Variants in ADAMTS20 observed in about 807,000 individuals in gnomAD.
The protein encoded by ADAMTS20 is ADAM metallopeptidase with thrombospondin type 1 motif 20.
In ADAMTS20, 225 loss-of-function variants were observed where a neutral mutation model predicts 260.1. The ratio of observed to expected loss-of-function variants is 0.87; its 90% CI spans 0.78 to 0.97. The LOEUF is 0.97. ADAMTS20 is among the 50% of genes least tolerant of loss of function. The pLI, the probability that ADAMTS20 is intolerant of heterozygous loss-of-function variation, is 0.00. For missense variants in ADAMTS20, 2,400 were observed against 2,337.7 expected (o/e 1.03, Z -0.55); for synonymous variants, 802 against 769.5 (o/e 1.04, Z -0.70).
At chr12:43,529,127 C>T (rs1033861996) in intron 3 of ADAMTS20, among the ~76,000 whole-genome samples, 2 of 151,930 alleles carry the variant, frequency 1.3e-5, no homozygotes, top group Non-Finnish European at 2.9e-5. Context: ...GTAAGAATGG[C>T]CATTATTAAA....
rs1279559911 is a variant in ADAMTS20, at chr12:43,472,466, G to C, written c.1118-3761C>G. ...ATCTAGCAAGGCAGGCCAACGTTCAGATTCAGGAAATACAGAGAACGCCAC... is the reference window on the plus strand; with the variant it reads ...ATCTAGCAAGGCAGGCCAACGTTCACATTCAGGAAATACAGAGAACGCCAC... On this transcript the variant is annotated intron_variant, in intron 7 of 38. Coordinates refer to ENST00000389420, the MANE Select transcript of ADAMTS20 (RefSeq NM_025003.5). 6.7e-5 allele frequency among the ~76,000 whole-genome samples: 9 copies of C among 133,700 alleles called. No homozygotes were observed. The East Asian group carries it at 1.8e-3, about 27-fold the overall frequency. The allele number at this position is 133,700 out of a possible 152,430, so 87.7% of individuals were successfully genotyped here.
At chr12:43,527,815 A>G (rs1439559616) in intron 3 of ADAMTS20, among the ~76,000 whole-genome samples, 1 of 152,124 alleles carries the variant, frequency 6.6e-6, no homozygotes, top group African/African-American at 2.4e-5. Flanking sequence ...TCTACTCAAT[A>G]TAATACTGGA....
At chr12:43,521,439 T>C (rs77337529) in intron 3 of ADAMTS20, among the ~76,000 whole-genome samples, 3,601 of 152,306 alleles carry the variant, frequency 0.024, 66 homozygotes, top group East Asian at 0.079. Flanking sequence ...AATATAAACG[T>C]CTCTTCAAAG....
At chr12:43,375,172 CAAAAAA>C (rs58169338) in intron 36 of ADAMTS20, among the ~76,000 whole-genome samples, 1 of 62,312 alleles carries the variant, frequency 1.6e-5, no homozygotes, top group Non-Finnish European at 2.8e-5. Context: ...AACTGCGTCT[CAAAAAA>C]AAAAAAAAAA....
At chr12:43,429,015 T>C (rs762831060) in intron 24 of ADAMTS20, among the ~76,000 whole-genome samples, 2 of 151,826 alleles carry the variant, frequency 1.3e-5, no homozygotes, top group South Asian at 4.2e-4. Flanking sequence ...AAATAATGTA[T>C]AGTAATTTCA....
chr12:43,372,155 A>C lies in ADAMTS20; in HGVS notation c.5447-2774T>G, dbSNP rs540845562. On this transcript the variant is annotated intron_variant, in intron 36 of 38. Transcript: ENST00000389420. ...TGTGCATTTGGGACTGTCATTTAAT[A>C]GATGGTACTTGAAATCTATAAATTT... 5.3e-5 allele frequency among the ~76,000 whole-genome samples: 8 copies of C among 152,366 alleles called. No homozygotes were observed. In the South Asian group the frequency reaches 1.0e-3, roughly 20 times the overall value.
intron 4 of ADAMTS20, among the ~76,000 whole-genome samples, chr12:43,498,108 C>T (rs1942702675): frequency 6.6e-6 from 1 of 152,144 alleles, no homozygotes; most frequent in South Asian, 2.1e-4. Context: ...TATCTCTGCT[C>T]ATTTAACACA....
At chr12:43,411,303 G>A (rs1941026515) in intron 28 of ADAMTS20, among the ~76,000 whole-genome samples, 1 of 152,082 alleles carries the variant, frequency 6.6e-6, no homozygotes, top group South Asian at 2.1e-4. Context: ...GTTTTCCCCA[G>A]ACTTTTAAAT....
intron 23 of ADAMTS20, 76 bp downstream of exon 23, chr12:43,430,276 A>C: frequency 6.8e-7 from 1 of 1,467,956 alleles, no homozygotes; most frequent in South Asian, 1.4e-5. Context: ...AAAAATAAGT[A>C]AAGAAATAAT....
In ADAMTS20 at chr12:43,504,331, CAT is replaced by C. The variant is rs1942811409; in HGVS notation, c.614-1928_614-1927del. On this transcript the variant is annotated intron_variant, in intron 3 of 38. Coordinates refer to ENST00000389420, the MANE Select transcript of ADAMTS20 (RefSeq NM_025003.5). ...CGATTAGTGATGTTGGGCATTTCTT[CAT>C]ATGTTTGTTGGCTACCTGTATGTCT... is the stretch of plus-strand genomic sequence containing the variant. Among the ~76,000 whole-genome samples the C allele has an allele frequency of 5.3e-5, 8 of 152,192 alleles. No homozygotes were observed. The South Asian group carries it at 1.7e-3, about 32-fold the overall frequency.
intron 3 of ADAMTS20, among the ~76,000 whole-genome samples, chr12:43,529,629 T>C (rs61925176): frequency 0.096 from 14,548 of 152,096 alleles, 854 homozygotes; most frequent in Admixed American, 0.2. Flanking sequence ...TACCGAGTGA[T>C]ATAATGGACT....
At chr12:43,535,592 C>G (rs546938439) in intron 2 of ADAMTS20, among the ~76,000 whole-genome samples, 57 of 152,136 alleles carry the variant, frequency 3.7e-4, no homozygotes, top group African/African-American at 1.3e-3. Flanking sequence ...TTTGAAATAT[C>G]TAAAAATATT....
chr12:43,367,458 C>T (rs1479578759), intron 37 of ADAMTS20, among the ~76,000 whole-genome samples: 6 of 152,034 alleles, frequency 3.9e-5, no homozygotes, highest in Non-Finnish European at 5.9e-5. Flanking sequence ...AGGATCTTCT[C>T]CACAGAAAAT....
chr12:43,538,911 A>ACCCAT (rs1347220922), intron 2 of ADAMTS20, among the ~76,000 whole-genome samples: 1 of 149,006 alleles, frequency 6.7e-6, no homozygotes, highest in Non-Finnish European at 1.5e-5. Context: ...TTCTCATCCT[A>ACCCAT]TATCCTTGGG....
At chr12:43,518,868 C>T (rs1445590961) in intron 3 of ADAMTS20, among the ~76,000 whole-genome samples, 1 of 151,670 alleles carries the variant, frequency 6.6e-6, no homozygotes, top group African/African-American at 2.4e-5. Context: ...ACTCTCAGCC[C>T]TCACCTACAA....
chr12:43,409,630 A>C (rs1332601440), intron 28 of ADAMTS20, among the ~76,000 whole-genome samples: 1 of 142,470 alleles, frequency 7.0e-6, no homozygotes, highest in Non-Finnish European at 1.5e-5. Flanking sequence ...AAAAAAAAAA[A>C]CAAGAAAATT....
At chr12:43,373,403 C>CT (rs2137206068) in intron 36 of ADAMTS20, among the ~76,000 whole-genome samples, 1 of 152,330 alleles carries the variant, frequency 6.6e-6, no homozygotes, top group East Asian at 1.9e-4. Context: ...AGCATGTACT[C>CT]TATCAGGGAT....
At chr12:43,401,388 G>A (rs922312333) in intron 28 of ADAMTS20, among the ~76,000 whole-genome samples, 1 of 151,858 alleles carries the variant, frequency 6.6e-6, no homozygotes, top group East Asian at 1.9e-4. Context: ...GATAAGAATG[G>A]CCAATTCATT....
chr12:43,509,609 A>G (rs1942894582), intron 3 of ADAMTS20, among the ~76,000 whole-genome samples: 1 of 152,186 alleles, frequency 6.6e-6, no homozygotes, highest in Non-Finnish European at 1.5e-5. Context: ...TGGGTATAAT[A>G]ACATCACGTA....
Sources: gnomAD v4.1 joint callset for allele counts (sites outside exome capture counted in the v4.1 genomes callset) on GRCh38, gnomAD v4.1.1 for gene constraint, MANE v1.5 for transcripts, NCBI Gene and HGNC (gene_info 2026-07-23, HGNC 2026-07-21) for gene names.